SRFBP1: variants seen among roughly 807,000 people sequenced by gnomAD.
The protein encoded by SRFBP1 is serum response factor binding protein 1.
A neutral mutation model predicts 45.5 loss-of-function variants in SRFBP1; 47 were observed. The observed-to-expected ratio is 1.03, with a 90% CI of 0.82 to 1.32. The LOEUF (loss-of-function observed/expected upper bound fraction) is 1.32, where lower values mean the gene tolerates loss of function less well. Among genes scored for constraint, SRFBP1 ranks in the 40% most tolerant of loss-of-function variants. The pLI is 0.00. For missense variants in SRFBP1, 621 were observed against 484.6 expected (o/e 1.28, Z -2.64); for synonymous variants, 203 against 166.3 (o/e 1.22, Z -1.70).
chr5:122,011,110 T>G (rs1369855836), intron 4 of SRFBP1, among the ~76,000 whole-genome samples: 1 of 152,158 alleles, frequency 6.6e-6, no homozygotes, highest in Non-Finnish European at 1.5e-5. Context: ...CCATCTGATA[T>G]TCAAAGTACT....
At chr5:122,070,009 A>AT in intron 2 of SRFBP1, 3 of 1,393,606 alleles carry the variant, frequency 2.2e-6, no homozygotes, top group Non-Finnish European at 3.1e-6. Context: ...ATGAACAAAA[A>AT]TTATTTGTGA....
chr5:121,970,556 A>T (rs1397617086), intron 1 of SRFBP1, among the ~76,000 whole-genome samples: 2 of 151,152 alleles, frequency 1.3e-5, no homozygotes, highest in African/African-American at 4.9e-5. Flanking sequence ...TTTTTTCCTT[A>T]AGCCTTGTCT....
intron 2 of SRFBP1, among the ~76,000 whole-genome samples, chr5:122,046,936 C>G (rs543323039): frequency 6.6e-6 from 1 of 152,244 alleles, no homozygotes; most frequent in East Asian, 1.9e-4. Context: ...ATTGTAGATT[C>G]TGGATATTAG....
chr5:122,024,993 A>T (rs995966028), intron 7 of SRFBP1, among the ~76,000 whole-genome samples: 5 of 151,984 alleles, frequency 3.3e-5, no homozygotes, highest in African/African-American at 1.2e-4. Flanking sequence ...TAAGTTTTAG[A>T]GTACATGTGC....
intron 2 of SRFBP1, among the ~76,000 whole-genome samples, chr5:122,048,576 G>T (rs1753907248): frequency 6.6e-6 from 1 of 152,136 alleles, no homozygotes; most frequent in Admixed American, 6.6e-5. Flanking sequence ...AGTTAGGGAG[G>T]ATTCCCTCTT....
intron 4 of SRFBP1, among the ~76,000 whole-genome samples, chr5:122,002,534 G>C (rs2112685977): frequency 6.6e-6 from 1 of 152,292 alleles, no homozygotes; most frequent in South Asian, 2.1e-4. Context: ...ATTGTGAAAG[G>C]ATGTTTGGAA....
downstream of SRFBP1, among the ~76,000 whole-genome samples, chr5:122,029,197 T>TAC (rs1204054214): frequency 6.6e-6 from 1 of 152,044 alleles, no homozygotes; most frequent in Non-Finnish European, 1.5e-5. Flanking sequence ...GTGTAATATA[T>TAC]ACACACACAA....
intron 2 of SRFBP1, among the ~76,000 whole-genome samples, chr5:122,075,055 G>T (rs140290613): frequency 1.1e-4 from 17 of 152,300 alleles, no homozygotes; most frequent in African/African-American, 4.1e-4. Flanking sequence ...GATAAAAAAC[G>T]TGTGGTCTTT....
chr5:122,052,400 G>A (rs565649697), intron 2 of SRFBP1, among the ~76,000 whole-genome samples: 2 of 152,208 alleles, frequency 1.3e-5, no homozygotes, highest in South Asian at 4.2e-4. Context: ...TGTAGATTAT[G>A]TGTCTTTACA....
At chr5:122,048,782 A>T (rs376066510) in intron 2 of SRFBP1, among the ~76,000 whole-genome samples, 16 of 152,216 alleles carry the variant, frequency 1.1e-4, no homozygotes, top group African/African-American at 3.9e-4. Flanking sequence ...GGGAGGGTAT[A>T]TGTGTCCAGG....
chr5:122,075,258 G>A (rs138982893), intron 2 of SRFBP1: 8 of 696,564 alleles, frequency 1.1e-5, no homozygotes, highest in Middle Eastern at 5.8e-4. Flanking sequence ...GATGGGTTAT[G>A]TGAAATTACA....
chr5:122,056,528 G>T (rs894325285), intron 2 of SRFBP1, among the ~76,000 whole-genome samples: 2 of 152,144 alleles, frequency 1.3e-5, no homozygotes, highest in Admixed American at 1.3e-4. Context: ...AGAATTAAAA[G>T]TTTAGGGAGA....
In SRFBP1 at chr5:121,967,151, C is replaced by T. The variant is rs372391870; in HGVS notation, c.36+5083C>T. On this transcript the variant is annotated intron_variant, in intron 1 of 7. Transcript: ENST00000339397. ...CCCATTAGAAAATTGCTTTTCATTT[C>T]ATGTAAGACAGTAAAGGTAGAAACT... Among the ~76,000 whole-genome samples the T allele has an allele frequency of 1.1e-3, 168 of 152,104 alleles. 1 individual carries two copies. The highest frequency in any genetic ancestry group is 3.9e-3 in the African/African-American group (163 of 41,504).
At chr5:121,971,019 AAAG>A (rs1752180586) in intron 1 of SRFBP1, among the ~76,000 whole-genome samples, 9 of 151,962 alleles carry the variant, frequency 5.9e-5, no homozygotes, top group Admixed American at 5.9e-4. Flanking sequence ...ACATGGGAAA[AAAG>A]AACATTCTGA....
intron 2 of SRFBP1, among the ~76,000 whole-genome samples, chr5:122,045,949 G>T (rs2112736572): frequency 6.6e-6 from 1 of 152,242 alleles, no homozygotes; most frequent in Admixed American, 6.5e-5. Flanking sequence ...CAAGGGGAAT[G>T]CTTCCAGCTT....
intron 3 of SRFBP1, among the ~76,000 whole-genome samples, chr5:121,980,979 G>A (rs775198507): frequency 3.6e-4 from 54 of 152,054 alleles, no homozygotes; most frequent in Non-Finnish European, 8.8e-5. Flanking sequence ...TTGGCCTTAG[G>A]CTAAACTTTG....
chr5:121,963,856 T>G (rs1288726181), intron 1 of SRFBP1, among the ~76,000 whole-genome samples: 1 of 151,082 alleles, frequency 6.6e-6, no homozygotes, highest in Non-Finnish European at 1.5e-5. Context: ...TTAAAATTAG[T>G]GGGAAAAAAA....
rs778604962 is a variant in SRFBP1 at position 121,975,297 on chromosome 5, G to A, written c.126-18G>A. On this transcript the variant is annotated intron_variant, in intron 2 of 7. Coordinates refer to ENST00000339397, the MANE Select transcript of SRFBP1 (RefSeq NM_152546.3). ...TTAATGCTTTGCCTGGCTACATATC[G>A]TAATGTATTTTTTGCAGGGGTACTG... 43 of 1,611,872 alleles carry A rather than the reference G, an allele frequency of 2.7e-5. No individual in the cohort carries two copies. The highest frequency in any genetic ancestry group is 5.5e-5 in the South Asian group (5 of 91,048).
At chr5:122,035,482 G>A (rs1275593037) in intron 2 of SRFBP1, among the ~76,000 whole-genome samples, 4 of 152,134 alleles carry the variant, frequency 2.6e-5, no homozygotes, top group African/African-American at 9.7e-5. Context: ...TGTCACAAGT[G>A]AGCCAGTGCT....
Sources: gnomAD v4.1 joint callset for allele counts (sites outside exome capture counted in the v4.1 genomes callset) on GRCh38, gnomAD v4.1.1 for gene constraint, MANE v1.5 for transcripts, NCBI Gene and HGNC (gene_info 2026-07-23, HGNC 2026-07-21) for gene names.